MAGI1: variants seen among roughly 807,000 people sequenced by gnomAD.
MAGI1 encodes the protein membrane associated guanylate kinase, WW and PDZ domain containing 1, also known as membrane-associated guanylate kinase, WW and PDZ domain-containing protein 1.
In MAGI1, 58 loss-of-function variants were observed where a neutral mutation model predicts 139.9. The ratio of observed to expected loss-of-function variants is 0.41; its 90% CI spans 0.34 to 0.52. MAGI1 has a LOEUF of 0.52. Among genes scored for constraint, MAGI1 ranks in the 20% least tolerant of loss-of-function variants. The probability of loss-of-function intolerance (pLI) is 0.12; values close to 1 mark genes in which losing one functional copy is unlikely to be tolerated. For missense variants in MAGI1, 1,874 were observed against 1,901.6 expected, an observed-to-expected ratio of 0.99 and a Z score of 0.27; for synonymous variants, 812 against 737.9, an observed-to-expected ratio of 1.10 and a Z score of -1.63.
At chr3:65,723,784 T>G (rs935589467) in intron 1 of MAGI1, among the ~76,000 whole-genome samples, 5 of 152,174 alleles carry the variant, frequency 3.3e-5, no homozygotes, top group Non-Finnish European at 7.3e-5. Flanking sequence ...AATCACAGTT[T>G]TGGTGGAGAA....
At chr3:65,786,454 G>T (rs990968022) in intron 1 of MAGI1, among the ~76,000 whole-genome samples, 6 of 151,558 alleles carry the variant, frequency 4.0e-5, no homozygotes, top group African/African-American at 1.5e-4. Context: ...CTACAGGCAT[G>T]CGCCACCACA....
At chr3:65,548,879 C>T (rs970331950) in intron 2 of MAGI1, among the ~76,000 whole-genome samples, 4 of 152,144 alleles carry the variant, frequency 2.6e-5, no homozygotes, top group Non-Finnish European at 4.4e-5. Flanking sequence ...GGTGAGCCAA[C>T]AGTTCATTAA....
At chr3:65,992,382 A>T (rs956195973) in intron 1 of MAGI1, among the ~76,000 whole-genome samples, 2 of 152,212 alleles carry the variant, frequency 1.3e-5, no homozygotes, top group Non-Finnish European at 2.9e-5. Context: ...ATCCTTGAGT[A>T]CTAGCCTTTA....
intron 1 of MAGI1, among the ~76,000 whole-genome samples, chr3:65,726,453 C>T (rs1342192218): frequency 3.3e-5 from 5 of 152,138 alleles, no homozygotes; most frequent in African/African-American, 7.2e-5. Context: ...AGAAACTCTA[C>T]CAAACCTTTG....
chr3:65,361,028 T>A, intron 22 of MAGI1, 171 bp downstream of exon 22: 1 of 1,491,780 alleles, frequency 6.7e-7, no homozygotes, highest in Non-Finnish European at 8.9e-7. Flanking sequence ...AGCAAAAGGA[T>A]GAAATGTGTA....
chr3:65,739,606 T>C (rs1441986081), intron 1 of MAGI1, among the ~76,000 whole-genome samples: 1 of 152,186 alleles, frequency 6.6e-6, no homozygotes, highest in Non-Finnish European at 1.5e-5. Flanking sequence ...AAGTGAGAGA[T>C]GTGTGACTCT....
At chr3:65,781,100 G>C (rs1043922162) in intron 1 of MAGI1, among the ~76,000 whole-genome samples, 1 of 152,064 alleles carries the variant, frequency 6.6e-6, no homozygotes, top group Non-Finnish European at 1.5e-5. Context: ...GGAGGCTGAG[G>C]CAGGAGAATT....
chr3:65,605,765 T>G (rs1412750193), intron 2 of MAGI1, among the ~76,000 whole-genome samples: 1 of 152,198 alleles, frequency 6.6e-6, no homozygotes, highest in Non-Finnish European at 1.5e-5. Context: ...CAACTCAGGT[T>G]CAATGGTAGA....
chr3:65,568,750 T>C (rs2108056652), intron 2 of MAGI1, among the ~76,000 whole-genome samples: 1 of 152,334 alleles, frequency 6.6e-6, no homozygotes, highest in South Asian at 2.1e-4. Context: ...GTTCAGGGTG[T>C]TCAGTAAAGT....
rs1454112665 is a variant in MAGI1 at position 65,869,364 on chromosome 3, TTTTTTGTTGTTGTTG to T, written c.313+168617_313+168631del. On this transcript the variant is annotated intron_variant, in intron 1 of 22. Coordinates refer to ENST00000402939, the MANE Select transcript of MAGI1 (RefSeq NM_001033057.2). ...GTACAGATCCCAAAGGCAAGACTGG[TTTTTTGTTGTTGTTG>T]TTGTTGTTGTTGTTGTTGTTGTTGT... 2.1e-3 allele frequency among the ~76,000 whole-genome samples: 247 copies of T among 115,838 alleles called. 2 individuals are homozygous for T. Among genetic ancestry groups the T allele is most frequent in the African/African-American group, 7.6e-3 (222 of 29,374 alleles). The allele number at this position is 115,838 out of a possible 152,430, so 76.0% of individuals were successfully genotyped here. A position where few individuals can be genotyped will look rare whatever the true frequency, so the allele number is the denominator to read the frequency against.
intron 1 of MAGI1, among the ~76,000 whole-genome samples, chr3:65,863,434 G>T (rs1489548233): frequency 2.0e-5 from 3 of 152,062 alleles, no homozygotes; most frequent in African/African-American, 7.2e-5. Flanking sequence ...TGTTGTATAG[G>T]GTAAATTTAA....
At chr3:65,841,059 T>A (rs904088929) in intron 1 of MAGI1, among the ~76,000 whole-genome samples, 1 of 152,218 alleles carries the variant, frequency 6.6e-6, no homozygotes, top group Non-Finnish European at 1.5e-5. Flanking sequence ...GAAATTGATA[T>A]GCGCAGAGTT....
chr3:65,773,360 T>G (rs1240739663), intron 1 of MAGI1, among the ~76,000 whole-genome samples: 3 of 151,938 alleles, frequency 2.0e-5, no homozygotes, highest in African/African-American at 7.3e-5. Context: ...CAGTGAAACC[T>G]CATCTCCATA....
At chr3:65,403,129 T>G (rs935527238) in intron 12 of MAGI1, among the ~76,000 whole-genome samples, 1 of 152,122 alleles carries the variant, frequency 6.6e-6, no homozygotes, top group Non-Finnish European at 1.5e-5. Context: ...GTTTCTCCAT[T>G]TATAAAGGGA....
At chr3:65,638,486 T>C (rs1040022174) in intron 1 of MAGI1, among the ~76,000 whole-genome samples, 18 of 151,574 alleles carry the variant, frequency 1.2e-4, no homozygotes, top group African/African-American at 3.9e-4. Flanking sequence ...CTTCTGTTTG[T>C]ACTACACTGT....
At chr3:65,741,206 A>G (rs1203425692) in intron 1 of MAGI1, among the ~76,000 whole-genome samples, 1 of 150,660 alleles carries the variant, frequency 6.6e-6, no homozygotes, top group East Asian at 2.0e-4. Flanking sequence ...ATGGAGTCTC[A>G]CTCTGTCCCC....
chr3:65,836,176 G>T (rs546288851), intron 1 of MAGI1, among the ~76,000 whole-genome samples: 1 of 152,124 alleles, frequency 6.6e-6, no homozygotes, highest in South Asian at 2.1e-4. Flanking sequence ...CAAGTAAGGG[G>T]TAAAAGGTAC....
At chr3:65,902,197 C>T (rs1437678512) in intron 1 of MAGI1, among the ~76,000 whole-genome samples, 1 of 152,168 alleles carries the variant, frequency 6.6e-6, no homozygotes, top group African/African-American at 2.4e-5. Context: ...GGGAGACAAA[C>T]AAGCAAAGCT....
intron 1 of MAGI1, among the ~76,000 whole-genome samples, chr3:66,002,024 C>A (rs1476170402): frequency 1.3e-5 from 2 of 152,282 alleles, no homozygotes; most frequent in African/African-American, 2.4e-5. Context: ...TGTGCTCAGA[C>A]CTTCTGAAGC....
Sources: gnomAD v4.1 joint callset for allele counts (sites outside exome capture counted in the v4.1 genomes callset) on GRCh38, gnomAD v4.1.1 for gene constraint, MANE v1.5 for transcripts, NCBI Gene and HGNC (gene_info 2026-07-23, HGNC 2026-07-21) for gene names.